The following TRAPPC9 variants were observed in gnomAD, a reference collection of about 807,000 sequenced individuals.
TRAPPC9 encodes the protein IKK2 binding protein.
Under a neutral mutation model 124.0 loss-of-function variants are expected in TRAPPC9, and 83 were observed. The ratio of observed to expected loss-of-function variants is 0.67; its 90% confidence interval spans 0.56 to 0.80. The LOEUF (loss-of-function observed/expected upper bound fraction) is 0.80. Ranked by LOEUF, TRAPPC9 falls within the 30% of genes least tolerant of loss-of-function variation. The probability of loss-of-function intolerance (pLI) is 0.00; values close to 1 mark genes in which losing one functional copy is unlikely to be tolerated. For synonymous variants in TRAPPC9, 638 were observed against 617.5 expected (o/e 1.03, Z -0.49); for missense variants, 1,302 against 1,508.3 (o/e 0.86, Z 2.27).
At chr8:140,405,828 C>T (rs2069469692) in intron 5 of TRAPPC9, 130 bp from the exon 6 acceptor site, 1 of 1,005,738 alleles carries the variant, frequency 9.9e-7, no homozygotes, top group African/African-American at 1.6e-5. Context: ...AGTGTTTAGT[C>T]TTCACAGCTT....
At chr8:139,785,929 C>G (rs1325169545) in intron 21 of TRAPPC9, among the ~76,000 whole-genome samples, 1 of 151,740 alleles carries the variant, frequency 6.6e-6, no homozygotes, top group Non-Finnish European at 1.5e-5. Flanking sequence ...AACTCAAGGC[C>G]AGGTGCAGTG....
chr8:139,823,990 T>A (rs1003124003), intron 21 of TRAPPC9, among the ~76,000 whole-genome samples: 1 of 152,168 alleles, frequency 6.6e-6, no homozygotes, highest in African/African-American at 2.4e-5. Flanking sequence ...AGGATCCGGA[T>A]AAAAATACCC....
chr8:140,327,444 A>G (rs376218433), intron 9 of TRAPPC9, among the ~76,000 whole-genome samples: 23 of 152,326 alleles, frequency 1.5e-4, no homozygotes, highest in African/African-American at 5.5e-4. Context: ...AGATACTTAA[A>G]CAGATACTTG....
At chr8:139,819,522 C>T (rs1428971248) in intron 21 of TRAPPC9, among the ~76,000 whole-genome samples, 1 of 152,122 alleles carries the variant, frequency 6.6e-6, no homozygotes, top group African/African-American at 2.4e-5. Context: ...GCCCCTGGGA[C>T]AGGGACAATC....
At chr8:140,156,197 G>C (rs185554766) in intron 17 of TRAPPC9, among the ~76,000 whole-genome samples, 3 of 152,202 alleles carry the variant, frequency 2.0e-5, no homozygotes, top group Non-Finnish European at 4.4e-5. Context: ...CACCTGCTTC[G>C]TGTAGCCTAT....
chr8:140,439,985 T>C (rs890430879), intron 2 of TRAPPC9, among the ~76,000 whole-genome samples: 2 of 152,234 alleles, frequency 1.3e-5, no homozygotes, highest in African/African-American at 2.4e-5. Flanking sequence ...ATGAATGTTA[T>C]TGACACATCT....
chr8:139,828,078 C>T (rs927038194), intron 21 of TRAPPC9, among the ~76,000 whole-genome samples: 22 of 151,750 alleles, frequency 1.4e-4, no homozygotes, highest in African/African-American at 4.8e-4. Context: ...AGTGGGAATT[C>T]CATTTTAGCA....
chr8:139,834,174 TGAGTCACA>T lies in TRAPPC9; in HGVS notation c.3055+51697_3055+51704del, dbSNP rs1250653179. Among the ~76,000 whole-genome samples the T allele has an allele frequency of 1.2e-4, 19 of 152,274 alleles. No homozygotes were observed. In the East Asian group the frequency reaches 3.1e-3, roughly 25 times the overall value. ...CACCAGAGCCTGTCACAGTGGGAGC[TGAGTCACA>T]AGGGACTCTGCTTGCTGGTGGTGTG... is the stretch of plus-strand genomic sequence containing the variant. On this transcript the variant is annotated intron_variant, in intron 21 of 22. Coordinates refer to ENST00000438773, the MANE Select transcript of TRAPPC9 (RefSeq NM_001160372.4).
rs1478283048 is a variant in TRAPPC9 at position 140,257,485 on chromosome 8, G to A, written c.2279-4556C>T. 7.0e-6 allele frequency among the ~76,000 whole-genome samples: 1 copy of A among 142,566 alleles called. No individual in the cohort carries two copies. Among genetic ancestry groups the A allele is most frequent in the Non-Finnish European group, 1.5e-5 (1 of 65,196 alleles). The allele number at this position is 142,566 out of a possible 152,430, so 93.5% of individuals were successfully genotyped here. A position where few individuals can be genotyped will look rare whatever the true frequency, so the allele number is the denominator to read the frequency against. ...GTTTGAAAAGAAGCCTCCCCAGACA[G>A]GAGCCCAGGAGTGGGAAAAAGGACC... On this transcript the variant is annotated intron_variant, in intron 15 of 22. Transcript: ENST00000438773. The surrounding 1 kb of genome is among the most constrained non-coding windows in gnomAD (Gnocchi z 4.6).
At chr8:140,129,426 A>T (rs1318510956) in intron 17 of TRAPPC9, among the ~76,000 whole-genome samples, 1 of 152,146 alleles carries the variant, frequency 6.6e-6, no homozygotes, top group Non-Finnish European at 1.5e-5. Flanking sequence ...CCATGTGAAG[A>T]GCCCAAGTAG....
At chr8:139,918,764 T>C (rs557402094) in intron 19 of TRAPPC9, among the ~76,000 whole-genome samples, 10 of 152,288 alleles carry the variant, frequency 6.6e-5, no homozygotes, top group South Asian at 4.2e-4. Flanking sequence ...GCGCAGAAAA[T>C]AGTGCTTAAT....
intron 16 of TRAPPC9, among the ~76,000 whole-genome samples, chr8:140,222,264 T>A (rs2063352537): frequency 6.6e-6 from 1 of 152,180 alleles, no homozygotes; most frequent in South Asian, 2.1e-4. Flanking sequence ...AAGACCCTAC[T>A]TAAACCTCCG....
chr8:139,886,061 ACCT>A, intron 20 of TRAPPC9, 92 bp from the exon 21 acceptor site: 1 of 1,198,438 alleles, frequency 8.3e-7, no homozygotes, highest in Middle Eastern at 1.9e-4. Flanking sequence ...CAGATGGGAA[ACCT>A]CCTACAGCAG....
Position 140,353,946 on chromosome 8 carries a change from G to T in TRAPPC9, c.1495+6104C>A, listed in dbSNP as rs535016584. On this transcript the variant is annotated intron_variant, in intron 9 of 22. Transcript: ENST00000438773. This position sits in a 1 kb window ranked among gnomAD's most constrained non-coding sequence, Gnocchi z 4.2. ...CCAGCATGCTGGAAGCTCTGACAGCGGCAGGCACAGGGCACGGGGAGCTCC... is the reference window on the plus strand; with the variant it reads ...CCAGCATGCTGGAAGCTCTGACAGCTGCAGGCACAGGGCACGGGGAGCTCC... Among the ~76,000 whole-genome samples, 2 of 152,334 alleles carry T rather than the reference G, an allele frequency of 1.3e-5. No homozygotes were observed. Among genetic ancestry groups the T allele is most frequent in the East Asian group, 3.9e-4 (2 of 5,192 alleles).
intron 11 of TRAPPC9, among the ~76,000 whole-genome samples, chr8:140,299,506 G>A (rs935451605): frequency 3.3e-5 from 5 of 152,248 alleles, no homozygotes; most frequent in Middle Eastern, 3.2e-3. Flanking sequence ...AACACAGAGC[G>A]CCGCGGTTGC....
chr8:140,372,068 A>G (rs2068298000), intron 7 of TRAPPC9, among the ~76,000 whole-genome samples: 1 of 152,206 alleles, frequency 6.6e-6, no homozygotes, highest in African/African-American at 2.4e-5. Context: ...TTTACTCAAT[A>G]CAAGCATCCT....
intron 19 of TRAPPC9, among the ~76,000 whole-genome samples, chr8:139,980,911 C>G (rs1283412465): frequency 1.3e-5 from 2 of 152,160 alleles, no homozygotes; most frequent in Non-Finnish European, 2.9e-5. Context: ...GGCAAAGACC[C>G]AGAAGGAAAA....
intron 21 of TRAPPC9, among the ~76,000 whole-genome samples, chr8:139,821,251 G>T (rs1409824882): frequency 6.6e-6 from 1 of 152,250 alleles, no homozygotes; most frequent in African/African-American, 2.4e-5. Context: ...CCAGCGAAAA[G>T]CAAGTGAAAG....
intron 17 of TRAPPC9, among the ~76,000 whole-genome samples, chr8:140,175,913 TTATTCGGCA>T (rs1563819576): frequency 2.0e-5 from 3 of 152,376 alleles, no homozygotes; most frequent in African/African-American, 7.2e-5. Context: ...GAACATACAC[TTATTCGGCA>T]GTGAATGTGC....
Sources: allele counts gnomAD v4.1 joint callset (sites outside exome capture counted in the v4.1 genomes callset), GRCh38; gene constraint gnomAD v4.1.1; non-coding constraint Gnocchi (gnomAD v3.1); transcripts MANE v1.5; gene names NCBI Gene and HGNC (gene_info 2026-07-23, HGNC 2026-07-21).